The following DCN variants were observed in gnomAD, a reference collection of about 807,000 sequenced individuals.
The protein encoded by DCN is decorin, also known as bone proteoglycan II.
Under a neutral mutation model 36.5 loss-of-function variants are expected in DCN, and 17 were observed. The ratio of observed to expected loss-of-function variants is 0.47; its 90% CI spans 0.32 to 0.70. The LOEUF (loss-of-function observed/expected upper bound fraction) is 0.70, where lower values mean the gene tolerates loss of function less well. Among genes scored for constraint, DCN ranks in the 30% least tolerant of loss-of-function variants. The pLI is 0.04. For synonymous variants in DCN, 163 were observed against 161.4 expected, an observed-to-expected ratio of 1.01 and a Z score of -0.07; for missense variants, 389 against 430.1, an observed-to-expected ratio of 0.90 and a Z score of 0.84.
At chr12:91,172,781 G>A (rs940934379) in intron 2 of DCN, 21 of 699,582 alleles carry the variant, frequency 3.0e-5, no homozygotes, top group Middle Eastern at 2.3e-4. Flanking sequence ...TTCATCAATC[G>A]TTCAGTGATG....
intron 2 of DCN, chr12:91,172,744 C>T (rs375033189): frequency 3.9e-5 from 27 of 699,082 alleles, no homozygotes; most frequent in Non-Finnish European, 6.0e-5. Context: ...ATTCAAGAAC[C>T]AAGCCATGCA....
intron 1 of DCN, 122 bp from the exon 2 acceptor site, chr12:91,178,707 A>T: frequency 1.4e-6 from 1 of 696,998 alleles, no homozygotes; most frequent in South Asian, 1.6e-5. Context: ...TTCATTTGTT[A>T]TCAGGAAGCA....
intron 2 of DCN, among the ~76,000 whole-genome samples, chr12:91,168,149 A>C (rs1453366538): frequency 6.6e-6 from 1 of 152,272 alleles, no homozygotes; most frequent in East Asian, 1.9e-4. Flanking sequence ...CCATTTATGC[A>C]TGTGATCATT....
At chr12:91,155,262 A>G (rs1477500540) in intron 5 of DCN, among the ~76,000 whole-genome samples, 1 of 152,166 alleles carries the variant, frequency 6.6e-6, no homozygotes, top group East Asian at 1.9e-4. Context: ...TTCCACTTTT[A>G]TGAAACAGGA....
Position 91,140,779 on chromosome 12 carries a change from C to T in DCN, c.*5279G>A, listed in dbSNP as rs900007113. The T allele has an allele frequency of 2.6e-5, 4 of 152,276 alleles. No homozygotes were observed. Among genetic ancestry groups the T allele is most frequent in the African/African-American group, 9.6e-5 (4 of 41,564 alleles). The allele number at this position is 152,276 out of a possible 1,614,324, so 9.4% of individuals were successfully genotyped here. On this transcript the variant is annotated 3_prime_UTR_variant, in exon 8 of 8. Coordinates refer to ENST00000052754, the MANE Select transcript of DCN (RefSeq NM_001920.5). ...CATCTCAAAAAGAACAGATTCAAAACCAGATATTTGATTCTCAGTTCTTCC... is the reference window on the plus strand; with the variant it reads ...CATCTCAAAAAGAACAGATTCAAAATCAGATATTTGATTCTCAGTTCTTCC...
intron 3 of DCN, 55 bp from the exon 4 acceptor site, chr12:91,158,564 T>A (rs1862441168): frequency 1.1e-6 from 1 of 919,454 alleles, no homozygotes; most frequent in Non-Finnish European, 1.8e-6. Context: ...CACATACATG[T>A]AAAACAAGGG....
chr12:91,145,964 C>A lies in DCN; in HGVS notation c.*94G>T, dbSNP rs1188298561. 1 of 1,072,494 alleles carries A rather than the reference C, an allele frequency of 9.3e-7. No individual in the cohort carries two copies. The highest frequency in any genetic ancestry group is 1.3e-5 in the South Asian group (1 of 78,392). The allele number at this position is 1,072,494 out of a possible 1,614,324, so 66.4% of individuals were successfully genotyped here. On this transcript the variant is annotated 3_prime_UTR_variant, in exon 8 of 8. Coordinates refer to ENST00000052754, the MANE Select transcript of DCN (RefSeq NM_001920.5). ...TCATGTGGGTAAAACATCCACATTG[C>A]AGTTAGGTTTCCAGTATCTAGCTTT...
chr12:91,151,050 A>G (rs1263746201), intron 7 of DCN: 1 of 154,130 alleles, frequency 6.5e-6, no homozygotes, highest in Non-Finnish European at 1.4e-5. Flanking sequence ...TGCTGAGAAC[A>G]CACGGACACA....
intron 2 of DCN, among the ~76,000 whole-genome samples, chr12:91,166,445 T>C (rs1882579507): frequency 6.6e-6 from 1 of 152,222 alleles, no homozygotes; most frequent in South Asian, 2.1e-4. Context: ...ATGGTAGATT[T>C]CTGCCAAATC....
At chr12:91,178,666 G>A in intron 1 of DCN, 81 bp from the exon 2 acceptor site, 1 of 836,868 alleles carries the variant, frequency 1.2e-6, no homozygotes, top group South Asian at 1.4e-5. Context: ...CCACAATACA[G>A]TGAGCACAGA....
Position 91,178,348 on chromosome 12 carries a change from C to T in DCN, c.205G>A (p.Asp69Asn). 1 of 1,613,646 alleles carries T rather than the reference C, an allele frequency of 6.2e-7. No individual in the cohort carries two copies. The highest frequency in any genetic ancestry group is 8.5e-7 in the Non-Finnish European group (1 of 1,179,800). ...QCHLRVVQCS[D>N]LGLDKVPKDL... ...GAAACTGCATCCCACTCACCCAAAT[C>T]AGAACACTGGACCACTCGAAGATGG... Residue 69 changes from aspartate to asparagine, a missense_variant, in exon 2 of 8, where the codon GAT (aspartate) becomes AAT (asparagine). Physicochemically the swap from Asp to Asn is conservative, Grantham distance 23. Transcript: ENST00000052754.
At position 91,157,006 on chromosome 12, in the gene DCN, G is replaced by T. The variant is rs745357751; in HGVS notation, c.652+69C>A. The T allele has an allele frequency of 3.3e-4, 370 of 1,124,852 alleles. 1 individual carries two copies. Among genetic ancestry groups the T allele is most frequent in the Admixed American group, 1.5e-3 (80 of 54,654 alleles). 69.7% of individuals were successfully genotyped at this position (1,124,852 alleles called of 1,614,324 possible). On this transcript the variant is annotated intron_variant, in intron 5 of 7. Transcript: ENST00000052754. ...TAGGTGACAATTCCAGTTTCCACAA[G>T]ATTTTTTTTTTTTAATTAAAGCCTT...
At chr12:91,173,977 A>C (rs1454067955) in intron 2 of DCN, among the ~76,000 whole-genome samples, 1 of 152,206 alleles carries the variant, frequency 6.6e-6, no homozygotes, top group Non-Finnish European at 1.5e-5. Flanking sequence ...AAATTAAAAC[A>C]TTATTTGCAT....
Position 91,158,461 on chromosome 12 carries a change from A to T in DCN, c.373T>A (p.Phe125Ile). The T allele has an allele frequency of 6.2e-7, 1 of 1,608,632 alleles. No individual in the cohort carries two copies. Among genetic ancestry groups the T allele is most frequent in the Non-Finnish European group, 8.5e-7 (1 of 1,174,968 alleles). ...CGTTCCAACTTCACCAAAGGTGTAA[A>T]TGCTCCAGGACTAACTTTGCTAATT... is the stretch of plus-strand genomic sequence containing the variant. ...NKISKVSPGA[F>I]TPLVKLERLY... Residue 125 changes from phenylalanine to isoleucine, a missense_variant, in exon 4 of 8, where the codon TTT becomes ATT. Phe to Ile is a conservative substitution (Grantham distance 21). Coordinates refer to ENST00000052754, the MANE Select transcript of DCN (RefSeq NM_001920.5).
intron 2 of DCN, among the ~76,000 whole-genome samples, chr12:91,173,799 T>C (rs1283854743): frequency 3.3e-5 from 5 of 152,182 alleles, no homozygotes; most frequent in Non-Finnish European, 7.3e-5. Context: ...ACCTCTTGTA[T>C]AAGGTCTGCT....
chr12:91,146,351 C>CTTTTT (rs376886852), intron 7 of DCN, 99 bp from the exon 8 acceptor site: 231 of 318,102 alleles, frequency 7.3e-4, no homozygotes, highest in African/African-American at 9.8e-4. Context: ...TAATCCTTCA[C>CTTTTT]TTTTTTTTTT....
intron 2 of DCN, among the ~76,000 whole-genome samples, chr12:91,166,758 A>T (rs3138212): frequency 0.017 from 2,570 of 152,236 alleles, 70 homozygotes; most frequent in African/African-American, 0.058. Flanking sequence ...ATTTATATAC[A>T]TCTTATTTCT....
In DCN at chr12:91,145,517, A is replaced by G. The variant is rs1880953042; in HGVS notation, c.*541T>C. The G allele has an allele frequency of 5.9e-6, 1 of 168,468 alleles. No homozygotes were observed. The highest frequency in any genetic ancestry group is 1.3e-5 in the Non-Finnish European group (1 of 77,432). The allele number at this position is 168,468 out of a possible 1,614,324, so 10.4% of individuals were successfully genotyped here. On this transcript the variant is annotated 3_prime_UTR_variant, in exon 8 of 8. Coordinates refer to ENST00000052754, the MANE Select transcript of DCN (RefSeq NM_001920.5). ...AGGGAATATTAACAATTAAGCTTGTATACAATAGTAATTTTGAATGTATTT... is the reference window on the plus strand; with the variant it reads ...AGGGAATATTAACAATTAAGCTTGTGTACAATAGTAATTTTGAATGTATTT...
intron 5 of DCN, among the ~76,000 whole-genome samples, chr12:91,156,441 T>G (rs1372288642): frequency 6.6e-6 from 1 of 152,214 alleles, no homozygotes. Flanking sequence ...ATGAAGTGGA[T>G]AGCAGTATTA....
Sources: gnomAD v4.1 joint callset for allele counts (sites outside exome capture counted in the v4.1 genomes callset) on GRCh38, gnomAD v4.1.1 for gene constraint, MANE v1.5 for transcripts, NCBI Gene and HGNC (gene_info 2026-07-23, HGNC 2026-07-21) for gene names.